The following EWSR1 variants were observed in gnomAD, a reference collection of about 807,000 sequenced individuals.
EWSR1 encodes RNA-binding protein EWS.
In EWSR1, 14 loss-of-function variants were observed where a neutral mutation model predicts 92.1. The observed-to-expected ratio is 0.15, with a 90% CI of 0.10 to 0.24. The LOEUF (loss-of-function observed/expected upper bound fraction) is 0.24, where lower values mean the gene tolerates loss of function less well. Among genes scored for constraint, EWSR1 ranks in the 10% least tolerant of loss-of-function variants. The probability of loss-of-function intolerance (pLI) is 1.00; values close to 1 mark genes in which losing one functional copy is unlikely to be tolerated. For missense variants in EWSR1, 637 were observed against 870.9 expected (o/e 0.73, Z 3.38); for synonymous variants, 303 against 292.9 (o/e 1.03, Z -0.35).
intron 4 of EWSR1, 137 bp downstream of exon 4, chr22:29,274,001 A>AT (rs1356200319): frequency 2.0e-5 from 24 of 1,183,790 alleles, no homozygotes; most frequent in Non-Finnish European, 2.7e-5. Flanking sequence ...AGGAAGAGGT[A>AT]TTTTTTCTCT....
intron 11 of EWSR1, among the ~76,000 whole-genome samples, chr22:29,294,320 G>A (rs1422588762): frequency 6.6e-6 from 1 of 152,034 alleles, no homozygotes; most frequent in Non-Finnish European, 1.5e-5. Context: ...AAATACAGTT[G>A]ATTTGGCCGG....
intron 5 of EWSR1, among the ~76,000 whole-genome samples, chr22:29,279,168 A>C (rs1445536745): frequency 6.6e-6 from 1 of 152,132 alleles, no homozygotes; most frequent in Non-Finnish European, 1.5e-5. Flanking sequence ...AAACAGCATA[A>C]CTGATAGAAT....
intron 4 of EWSR1, chr22:29,274,235 C>T (rs760210493): frequency 6.8e-6 from 11 of 1,612,762 alleles, no homozygotes; most frequent in Non-Finnish European, 9.3e-6. Flanking sequence ...GATAGTGTAC[C>T]CTCTACTTTT....
At chr22:29,279,092 G>T (rs2059354496) in intron 5 of EWSR1, among the ~76,000 whole-genome samples, 1 of 152,132 alleles carries the variant, frequency 6.6e-6, no homozygotes, top group Non-Finnish European at 1.5e-5. Flanking sequence ...TAGGGTAGGA[G>T]AAGGCTATTG....
intron 11 of EWSR1, chr22:29,295,606 A>G (rs571425871): frequency 1.3e-5 from 3 of 225,380 alleles, no homozygotes; most frequent in South Asian, 3.7e-4. Flanking sequence ...AAGTCCTATA[A>G]ATAGATTGCT....
chr22:29,291,777 C>G (rs2069451983), intron 9 of EWSR1, 178 bp downstream of exon 9: 1 of 609,864 alleles, frequency 1.6e-6, no homozygotes, highest in Non-Finnish European at 2.8e-6. Context: ...GGTTACAAAA[C>G]AAAGGGTAAC....
intron 4 of EWSR1, chr22:29,274,477 G>T: frequency 9.2e-6 from 5 of 540,914 alleles, no homozygotes; most frequent in Middle Eastern, 2.7e-4. Context: ...TTTTGGGAAA[G>T]GTTTTTTTAT....
chr22:29,268,533 T>A (rs1293636007), intron 1 of EWSR1, among the ~76,000 whole-genome samples, 184 bp downstream of exon 1: 5 of 151,874 alleles, frequency 3.3e-5, no homozygotes, highest in Non-Finnish European at 5.9e-5. Flanking sequence ...GGCGGGCCGG[T>A]TCTGGAATCT....
intron 4 of EWSR1, chr22:29,274,338 T>C: frequency 8.8e-6 from 14 of 1,588,304 alleles, no homozygotes; most frequent in Non-Finnish European, 1.2e-5. Context: ...TGTCTAACCC[T>C]GTAATGTTAA....
At chr22:29,277,876 C>A in intron 4 of EWSR1, 154 bp from the exon 5 acceptor site, 1 of 630,488 alleles carries the variant, frequency 1.6e-6, no homozygotes, top group Middle Eastern at 2.6e-4. Context: ...CTTTAAATAC[C>A]AGTTTGTTGC....
chr22:29,273,232 A>G (rs988107046), intron 3 of EWSR1, among the ~76,000 whole-genome samples: 1 of 152,236 alleles, frequency 6.6e-6, no homozygotes, highest in African/African-American at 2.4e-5. Context: ...GAAGTGGTAT[A>G]GTAGTTTTAA....
chr22:29,272,093 T>A, intron 1 of EWSR1, 123 bp from the exon 2 acceptor site: 1 of 820,158 alleles, frequency 1.2e-6, no homozygotes, highest in Non-Finnish European at 2.0e-6. Context: ...CATTTGGACC[T>A]GTGTTGGCAG....
Position 29,280,859 on chromosome 22 carries a change from G to GTTTTTT in EWSR1, c.414-1529_414-1528insTTTTTT, listed in dbSNP as rs1316884921. ...CAGCTAATTTTGTGTGTGTGTGTGT[G>GTTTTTT]TTGTTTTTTTTTTTTTTTTTTTTTT... On this transcript the variant is annotated intron_variant, in intron 5 of 16. Transcript: ENST00000397938. Among the ~76,000 whole-genome samples, 7 of 90,978 alleles carry GTTTTTT rather than the reference G, an allele frequency of 7.7e-5. 1 individual carries two copies. Among genetic ancestry groups the GTTTTTT allele is most frequent in the African/African-American group, 1.2e-4 (3 of 25,242 alleles). 59.7% of individuals were successfully genotyped at this position (90,978 alleles called of 152,430 possible). A position where few individuals can be genotyped will look rare whatever the true frequency, so the allele number is the denominator to read the frequency against.
chr22:29,272,232 C>G lies in EWSR1; in HGVS notation c.30C>G (p.Ser10Arg). Residue 10 changes from serine to arginine, a missense_variant, in exon 2 of 17, where the codon AGC becomes AGG. Physicochemically the swap from Ser to Arg is moderately radical, Grantham distance 110. This residue lies in a region of EWSR1 where 144 missense variants were observed against 189.0 expected (regional missense o/e 0.76). Transcript: ENST00000397938. ...TTCCTCTAGATTACAGTACCTATAG[C>G]CAAGCTGCAGCGCAGCAGGGGTAAG... MASTDYSTY[S>R]QAAAQQGYSA... 6.2e-7 allele frequency: 1 copy of G among 1,614,024 alleles called. No individual in the cohort carries two copies. Among genetic ancestry groups the G allele is most frequent in the Non-Finnish European group, 8.5e-7 (1 of 1,179,924 alleles).
At chr22:29,274,170 T>G (rs772766357) in intron 4 of EWSR1, 27 of 1,315,956 alleles carry the variant, frequency 2.1e-5, no homozygotes, top group Non-Finnish European at 2.9e-5. Flanking sequence ...AGAATGAGTC[T>G]TCTTAAATTG....
At chr22:29,272,045 CT>C (rs1236670786) in intron 1 of EWSR1, among the ~76,000 whole-genome samples, 170 bp from the exon 2 acceptor site, 2 of 152,024 alleles carry the variant, frequency 1.3e-5, no homozygotes, top group African/African-American at 4.8e-5. Context: ...CTGGTTTAGA[CT>C]TTTTTTTCTG....
In EWSR1 at chr22:29,292,499, G is replaced by A; in HGVS notation, c.1057G>A (p.Asp353Asn). 2 of 1,611,726 alleles carry A rather than the reference G, an allele frequency of 1.2e-6. No homozygotes were observed. Among genetic ancestry groups the A allele is most frequent in the Non-Finnish European group, 1.7e-6 (2 of 1,178,214 alleles). The part of the protein sequence containing the change: ...GPDLDLGPPV[D>N]PDEDSDNSAI... The stretch of plus-strand genomic sequence containing the variant: ...GTTGTCTCTGAAAGGCCCACCTGTA[G>A]ATCCAGATGAAGACTCTGACAACAG... The change falls in exon 11 of 17, where the codon GAT becomes AAT. Residue 353 changes from aspartate to asparagine, a missense_variant. This residue lies in a region of EWSR1 where 363 missense variants were observed against 447.8 expected (regional missense o/e 0.81). Transcript: ENST00000397938.
At chr22:29,269,055 C>G (rs374640707) in intron 1 of EWSR1, among the ~76,000 whole-genome samples, 12 of 152,240 alleles carry the variant, frequency 7.9e-5, no homozygotes, top group African/African-American at 2.7e-4. Context: ...AATCCACGTC[C>G]TCCCCTCCCC....
Position 29,286,928 on chromosome 22 carries a change from C to T in EWSR1, c.587C>T (p.Ser196Phe). 1 of 1,610,364 alleles carries T rather than the reference C, an allele frequency of 6.2e-7. No individual in the cohort carries two copies. The highest frequency in any genetic ancestry group is 8.5e-7 in the Non-Finnish European group (1 of 1,177,844). The change falls in exon 7 of 17, where the codon TCC becomes TTC. Residue 196 changes from serine (S) to phenylalanine (F), a missense_variant. Ser to Phe is a radical substitution (Grantham distance 155). This residue lies in a region of EWSR1 where 116 missense variants were observed against 167.8 expected (regional missense o/e 0.69). Coordinates refer to ENST00000397938, the MANE Select transcript of EWSR1 (RefSeq NM_005243.4). ...APPSYPPTSY[S>F]STQPTSYDQS... The stretch of plus-strand genomic sequence containing the variant: ...TTCTCTTCTCTCTCTTTCAGCTATT[C>T]CTCTACACAGCCGACTAGTTATGAT...
Sources: gnomAD v4.1 joint callset for allele counts (sites outside exome capture counted in the v4.1 genomes callset) on GRCh38, gnomAD v4.1.1 for gene constraint, gnomAD v4.1.1 regional missense constraint, MANE v1.5 for transcripts, NCBI Gene and HGNC (gene_info 2026-07-23, HGNC 2026-07-21) for gene names.